Variants in CHST8 observed in about 807,000 individuals in gnomAD.
The protein encoded by CHST8 is carbohydrate sulfotransferase 8.
In CHST8, 10 loss-of-function variants were observed where a neutral mutation model predicts 15.0. That is an observed-to-expected ratio of 0.67 (90% confidence interval 0.41 to 1.13). CHST8 has a LOEUF of 1.13. CHST8 is among the 50% of genes most tolerant of loss of function. The pLI, the probability that CHST8 is intolerant of heterozygous loss-of-function variation, is 0.00. For synonymous variants in CHST8, 259 were observed against 256.6 expected (o/e 1.01, Z -0.09); for missense variants, 634 against 608.2 (o/e 1.04, Z -0.45).
At chr19:33,674,238 G>A (rs1217749376) in intron 2 of CHST8, among the ~76,000 whole-genome samples, 1 of 152,152 alleles carries the variant, frequency 6.6e-6, no homozygotes, top group Non-Finnish European at 1.5e-5. Context: ...GGAAGTCATC[G>A]CTGCTGGCCT....
chr19:33,770,024 G>C (rs1479599642), intron 3 of CHST8, among the ~76,000 whole-genome samples: 1 of 152,194 alleles, frequency 6.6e-6, no homozygotes, highest in Non-Finnish European at 1.5e-5. Context: ...GGCTGACCTT[G>C]CATCTCCTTC....
rs1216766594 is a variant in CHST8, at chr19:33,680,804, T to C, written c.-86-8372T>C. 2.0e-5 allele frequency among the ~76,000 whole-genome samples: 3 copies of C among 152,244 alleles called. 1 individual carries two copies. Among genetic ancestry groups the C allele is most frequent in the South Asian group, 4.1e-4 (2 of 4,834 alleles). ...GATCCATGGAAATGACTATCTCTTA[T>C]TTACGTGCACAACATTAGAATTGGC... On this transcript the variant is annotated intron_variant, in intron 2 of 4. Transcript: ENST00000650847.
intron 2 of CHST8, among the ~76,000 whole-genome samples, chr19:33,671,680 AC>A (rs149603747): frequency 0.012 from 1,870 of 150,866 alleles, 37 homozygotes; most frequent in East Asian, 0.077. Context: ...CCACATACTC[AC>A]CTTTGGCCTC....
At chr19:33,627,737 T>A (rs1231946614) in intron 1 of CHST8, among the ~76,000 whole-genome samples, 1 of 152,176 alleles carries the variant, frequency 6.6e-6, no homozygotes, top group Non-Finnish European at 1.5e-5. Flanking sequence ...AGTCCCACAC[T>A]CCTGGTGCCA....
intron 3 of CHST8, among the ~76,000 whole-genome samples, chr19:33,770,565 G>T (rs939112669): frequency 4.6e-5 from 7 of 152,228 alleles, no homozygotes; most frequent in African/African-American, 1.7e-4. Context: ...GTATGACACA[G>T]AATATTCTGC....
In CHST8 at chr19:33,657,156, C is replaced by CACACACACACACAA. The variant is rs756944119; in HGVS notation, c.-163-10610_-163-10609insCACACACACACAAA. On this transcript the variant is annotated intron_variant, in intron 1 of 4. Coordinates refer to ENST00000650847, the MANE Select transcript of CHST8 (RefSeq NM_001127895.2). ...ACACACACACACACACACACACACACAAACACACATATACTTATACACACA... is the reference window on the plus strand; with the variant it reads ...ACACACACACACACACACACACACACACACACACACACAAAAACACACATATACTTATACACACA... Among the ~76,000 whole-genome samples, 464 of 146,514 alleles carry CACACACACACACAA rather than the reference C, an allele frequency of 3.2e-3. 1 individual carries two copies. The highest frequency in any genetic ancestry group is 5.7e-3 in the Admixed American group (84 of 14,856).
intron 1 of CHST8, among the ~76,000 whole-genome samples, chr19:33,666,219 G>T (rs1462491406): frequency 6.6e-6 from 1 of 152,224 alleles, no homozygotes; most frequent in Non-Finnish European, 1.5e-5. Flanking sequence ...AAGTCAGGGG[G>T]TACACATAGG....
intron 1 of CHST8, among the ~76,000 whole-genome samples, chr19:33,644,614 A>G (rs1244317297): frequency 6.6e-6 from 1 of 152,052 alleles, no homozygotes; most frequent in African/African-American, 2.4e-5. Context: ...GGTGGTGTGC[A>G]CTTGTAGTCC....
intron 2 of CHST8, among the ~76,000 whole-genome samples, chr19:33,688,665 C>G (rs892103337): frequency 1.3e-5 from 2 of 152,142 alleles, no homozygotes; most frequent in African/African-American, 4.8e-5. Flanking sequence ...TAGCAGGCTC[C>G]TTTTCAGAGC....
rs544040089 is a variant in CHST8 at position 33,757,461 on chromosome 19, A to G, written c.131-13952A>G. Among the ~76,000 whole-genome samples, 33 of 44,070 alleles carry G rather than the reference A, an allele frequency of 7.5e-4. 1 individual carries two copies. The highest frequency in any genetic ancestry group is 1.4e-3 in the African/African-American group (15 of 10,736). 28.9% of individuals were successfully genotyped at this position (44,070 alleles called of 152,430 possible). On this transcript the variant is annotated intron_variant, in intron 3 of 4. Coordinates refer to ENST00000650847, the MANE Select transcript of CHST8 (RefSeq NM_001127895.2). Reference sequence around the variant, plus strand: ...AAGAAAGAAAGAAAGAAAGAAAGAAAGAAAGAAAGAAAGAAAGAAAGAAAG... The same window carrying G: ...AAGAAAGAAAGAAAGAAAGAAAGAAGGAAAGAAAGAAAGAAAGAAAGAAAG...
intron 3 of CHST8, among the ~76,000 whole-genome samples, chr19:33,703,665 T>C (rs1399834827): frequency 6.6e-6 from 1 of 152,226 alleles, no homozygotes; most frequent in Non-Finnish European, 1.5e-5. Flanking sequence ...TTAGGGTCAC[T>C]GCAGATCCCC....
intron 3 of CHST8, among the ~76,000 whole-genome samples, chr19:33,737,177 C>G (rs564209550): frequency 6.6e-6 from 1 of 152,304 alleles, no homozygotes; most frequent in African/African-American, 2.4e-5. Context: ...TCAAAAATAA[C>G]CATAAAAATA....
At chr19:33,656,183 T>C (rs1972508483) in intron 1 of CHST8, among the ~76,000 whole-genome samples, 1 of 152,210 alleles carries the variant, frequency 6.6e-6, no homozygotes, top group African/African-American at 2.4e-5. Context: ...TTGTTATTAA[T>C]TTCTAGTTAG....
intron 3 of CHST8, among the ~76,000 whole-genome samples, chr19:33,731,156 ACACT>A (rs1973985868): frequency 6.6e-6 from 1 of 152,238 alleles, no homozygotes; most frequent in African/African-American, 2.4e-5. Flanking sequence ...AATCAAGTTG[ACACT>A]CAATAGTAAT....
intron 1 of CHST8, among the ~76,000 whole-genome samples, chr19:33,644,595 G>A (rs1236902212): frequency 1.3e-5 from 2 of 151,910 alleles, no homozygotes; most frequent in Non-Finnish European, 2.9e-5. Context: ...TTTTTAATTA[G>A]CCAGGCATGG....
In CHST8 at chr19:33,635,652, G is replaced by A. The variant is rs867930942; in HGVS notation, c.-164+13356G>A. 6.6e-5 allele frequency among the ~76,000 whole-genome samples: 10 copies of A among 152,254 alleles called. No homozygotes were observed. In the Middle Eastern group the frequency reaches 0.017, roughly 259 times the overall value. ...TCATGGACCACTCAGCATGAGCTCC[G>A]TCCCTGAGGGCCAGCAGTGGAAAAA... On this transcript the variant is annotated intron_variant, in intron 1 of 4. Transcript: ENST00000650847.
At chr19:33,770,290 G>C (rs577324786) in intron 3 of CHST8, among the ~76,000 whole-genome samples, 4 of 152,328 alleles carry the variant, frequency 2.6e-5, no homozygotes, top group Non-Finnish European at 4.4e-5. Context: ...ATTTGCTCAG[G>C]TGTGGTCGGG....
At chr19:33,755,654 T>C (rs763954082) in intron 3 of CHST8, among the ~76,000 whole-genome samples, 2 of 152,184 alleles carry the variant, frequency 1.3e-5, no homozygotes, top group African/African-American at 2.4e-5. Flanking sequence ...CCAAAACACA[T>C]GCCCGGTGCT....
At chr19:33,639,241 C>T (rs934227651) in intron 1 of CHST8, among the ~76,000 whole-genome samples, 3 of 151,852 alleles carry the variant, frequency 2.0e-5, no homozygotes, top group Non-Finnish European at 4.4e-5. Flanking sequence ...ACAGTTAAAA[C>T]CCGTGTACGG....
Sources: allele counts gnomAD v4.1 joint callset (sites outside exome capture counted in the v4.1 genomes callset), GRCh38; gene constraint gnomAD v4.1.1; transcripts MANE v1.5; gene names NCBI Gene and HGNC (gene_info 2026-07-23, HGNC 2026-07-21).